The following YJU2B variants were observed in gnomAD, a reference collection of about 807,000 sequenced individuals.
YJU2B encodes the protein YJU2 splicing factor homolog B, also known as probable splicing factor YJU2B.
Under a neutral mutation model 38.0 loss-of-function variants are expected in YJU2B, and 18 were observed. That is an observed-to-expected ratio of 0.47 (90% confidence interval 0.33 to 0.70). The LOEUF is 0.70. Ranked by LOEUF, YJU2B falls within the 30% of genes least tolerant of loss-of-function variation. The pLI is 0.02. For synonymous variants in YJU2B, 246 were observed against 225.4 expected (o/e 1.09, Z -0.82); for missense variants, 538 against 556.3 (o/e 0.97, Z 0.33).
At chr19:13,749,314 G>T (rs1973366357) in intron 1 of YJU2B, among the ~76,000 whole-genome samples, 1 of 152,080 alleles carries the variant, frequency 6.6e-6, no homozygotes, top group Admixed American at 6.6e-5. Flanking sequence ...CCCAAGAATG[G>T]TTTTAAATTT....
Position 13,754,459 on chromosome 19 carries a change from GCA to G in YJU2B, c.57+118_57+119del, listed in dbSNP as rs1204475997. On this transcript the variant is annotated intron_variant, in intron 3 of 9. Transcript: ENST00000221554. ...GGCCCCCAAGGTCTTTTTGTCTTCTGCATGTCACCTGAGTCTCGAGGCTGTCT... is the reference window on the plus strand; with the variant it reads ...GGCCCCCAAGGTCTTTTTGTCTTCTGTGTCACCTGAGTCTCGAGGCTGTCT... The G allele has an allele frequency of 9.4e-6, 8 of 847,486 alleles. No homozygotes were observed. The African/African-American group carries it at 1.3e-4, about 14-fold the overall frequency. The allele number at this position is 847,486 out of a possible 1,614,324, so 52.5% of individuals were successfully genotyped here. A position where few individuals can be genotyped will look rare whatever the true frequency, so the allele number is the denominator to read the frequency against.
At chr19:13,745,646 CATAG>C (rs1555699801), upstream of YJU2B, among the ~76,000 whole-genome samples, 195 of 116,388 alleles carry the variant, frequency 1.7e-3, 2 homozygotes, top group South Asian at 5.0e-3. Context: ...AGCAAAACTC[CATAG>C]ATAGATAGAT....
At chr19:13,749,300 G>A (rs916973961) in intron 1 of YJU2B, among the ~76,000 whole-genome samples, 4 of 152,048 alleles carry the variant, frequency 2.6e-5, no homozygotes, top group Non-Finnish European at 4.4e-5. Flanking sequence ...CACCGAGTCC[G>A]GCCCCCAAGA....
chr19:13,751,160 G>T (rs1036574265), intron 1 of YJU2B, among the ~76,000 whole-genome samples: 2 of 152,184 alleles, frequency 1.3e-5, no homozygotes, highest in East Asian at 3.9e-4. Flanking sequence ...GCTCACACCT[G>T]TAATGCCAGC....
At position 13,751,734 on chromosome 19, in the gene YJU2B, G is replaced by A; in HGVS notation, c.-75G>A. The A allele has an allele frequency of 6.5e-7, 1 of 1,536,522 alleles. No individual in the cohort carries two copies. The highest frequency in any genetic ancestry group is 9.0e-7 in the Non-Finnish European group (1 of 1,109,548). ...TCTGCCAGGCTCCACAAGAGGTCAGGACAGTGCAGTGTGTTCACAAGGCCA... is the reference window on the plus strand; with the variant it reads ...TCTGCCAGGCTCCACAAGAGGTCAGAACAGTGCAGTGTGTTCACAAGGCCA... On this transcript the variant is annotated 5_prime_UTR_variant, in exon 2 of 10. Coordinates refer to ENST00000221554, the MANE Select transcript of YJU2B (RefSeq NM_030818.4).
chr19:13,754,515 C>G (rs968391657), intron 3 of YJU2B, among the ~76,000 whole-genome samples, 173 bp downstream of exon 3: 4 of 152,114 alleles, frequency 2.6e-5, no homozygotes, highest in Non-Finnish European at 5.9e-5. Flanking sequence ...TGTGGCTCTC[C>G]TCAGGGACCT....
At chr19:13,757,660 C>T (rs769860228) in intron 5 of YJU2B, 126 bp from the exon 6 acceptor site, 15 of 1,140,428 alleles carry the variant, frequency 1.3e-5, no homozygotes, top group Admixed American at 5.2e-5. Context: ...CTTCCAATCC[C>T]GTCTCTAACT....
In YJU2B at chr19:13,759,588, CT is replaced by C. The variant is rs1400501242; in HGVS notation, c.573+317del. ...AACATAGTGAGACACCACCCCCCCCCTCCCCCAGCATCTCTAAATAAATAAA... is the reference window on the plus strand; with the variant it reads ...AACATAGTGAGACACCACCCCCCCCCCCCCCAGCATCTCTAAATAAATAAA... On this transcript the variant is annotated intron_variant, in intron 8 of 9. Transcript: ENST00000221554. 144 of 238,078 alleles carry C rather than the reference CT, an allele frequency of 6.0e-4. 1 individual carries two copies. Among genetic ancestry groups the C allele is most frequent in the Admixed American group, 1.5e-3 (27 of 17,594 alleles). The allele number at this position is 238,078 out of a possible 1,614,324, so 14.7% of individuals were successfully genotyped here.
intron 3 of YJU2B, 22 bp from the exon 4 acceptor site, chr19:13,756,175 G>A (rs556612873): frequency 1.9e-5 from 31 of 1,604,248 alleles, no homozygotes; most frequent in African/African-American, 6.7e-5. Flanking sequence ...GCACTAATCC[G>A]CTCCTCATCC....
At chr19:13,747,251 G>A (rs530393408), upstream of YJU2B, among the ~76,000 whole-genome samples, 9 of 152,248 alleles carry the variant, frequency 5.9e-5, no homozygotes, top group South Asian at 1.7e-3. Context: ...AGACAAAAGC[G>A]CATATCCCTG....
chr19:13,754,816 A>G (rs1352598916), intron 3 of YJU2B, among the ~76,000 whole-genome samples: 1 of 151,774 alleles, frequency 6.6e-6, no homozygotes, highest in Non-Finnish European at 1.5e-5. Flanking sequence ...TTATTCATTT[A>G]TTTGCGTCTT....
At chr19:13,733,729 CA>C (rs1972877040) in intron 2 of YJU2B, among the ~76,000 whole-genome samples, 2 of 151,842 alleles carry the variant, frequency 1.3e-5, no homozygotes, top group African/African-American at 4.8e-5. Flanking sequence ...CTCAAAAAAA[CA>C]AAAAACGAAC....
intron 1 of YJU2B, among the ~76,000 whole-genome samples, chr19:13,749,227 C>T (rs1483088290): frequency 1.3e-5 from 2 of 152,230 alleles, no homozygotes; most frequent in African/African-American, 2.4e-5. Context: ...CGGTCTTGAA[C>T]TCCTGACCTC....
intron 2 of YJU2B, among the ~76,000 whole-genome samples, chr19:13,752,574 T>A (rs914644876): frequency 2.6e-5 from 4 of 152,126 alleles, no homozygotes; most frequent in South Asian, 4.1e-4. Context: ...TGAAACCCCG[T>A]CTCTACTAAA....
chr19:13,760,213 C>T (rs573495037), intron 8 of YJU2B, among the ~76,000 whole-genome samples: 64 of 152,160 alleles, frequency 4.2e-4, no homozygotes, highest in Non-Finnish European at 7.8e-4. Context: ...CGTGAGCCAC[C>T]GAGACCAGCC....
chr19:13,748,501 C>T (rs182103896), intron 1 of YJU2B, among the ~76,000 whole-genome samples: 1 of 152,068 alleles, frequency 6.6e-6, no homozygotes. Context: ...CACCAAGGAC[C>T]GGAGATATCT....
Position 13,763,152 on chromosome 19 carries a change from C to T in YJU2B, c.*84C>T, listed in dbSNP as rs1175577877. The stretch of plus-strand genomic sequence containing the variant: ...CCTCACAGACTGCAGACCCCCGGCT[C>T]GCCCACCAGCCCTGGGAGAGCTCAG... On this transcript the variant is annotated 3_prime_UTR_variant, in exon 10 of 10. Transcript: ENST00000221554. The T allele has an allele frequency of 2.6e-6, 3 of 1,170,246 alleles. No homozygotes were observed. Among genetic ancestry groups the T allele is most frequent in the African/African-American group, 3.1e-5 (2 of 64,978 alleles). 72.5% of individuals were successfully genotyped at this position (1,170,246 alleles called of 1,614,324 possible).
chr19:13,759,061 T>A (rs778361829), intron 7 of YJU2B, 39 bp from the exon 8 acceptor site: 1 of 1,612,424 alleles, frequency 6.2e-7, no homozygotes, highest in African/African-American at 1.3e-5. Context: ...GAGTCTGCGC[T>A]GGGGCCCCCA....
At chr19:13,749,649 T>G (rs981620338) in intron 1 of YJU2B, among the ~76,000 whole-genome samples, 10 of 150,976 alleles carry the variant, frequency 6.6e-5, no homozygotes, top group Non-Finnish European at 1.5e-4. Context: ...TTTTTTTTTT[T>G]TGAGATGGAG....
Sources: gnomAD v4.1 joint callset for allele counts (sites outside exome capture counted in the v4.1 genomes callset) on GRCh38, gnomAD v4.1.1 for gene constraint, MANE v1.5 for transcripts, NCBI Gene and HGNC (gene_info 2026-07-23, HGNC 2026-07-21) for gene names.